The following PTPRO variants were observed in gnomAD, a reference collection of about 807,000 sequenced individuals.
PTPRO encodes receptor-type tyrosine-protein phosphatase O.
A neutral mutation model predicts 145.2 loss-of-function variants in PTPRO; 62 were observed. That is an observed-to-expected ratio of 0.43 (90% confidence interval 0.35 to 0.53). PTPRO has a LOEUF of 0.53. PTPRO is among the 20% of genes least tolerant of loss of function. The probability of loss-of-function intolerance (pLI) is 0.01; values close to 1 mark genes in which losing one functional copy is unlikely to be tolerated. For missense variants in PTPRO, 1,345 were observed against 1,482.7 expected (o/e 0.91, Z 1.53); for synonymous variants, 565 against 514.7 (o/e 1.10, Z -1.32).
intron 23 of PTPRO, among the ~76,000 whole-genome samples, 161 bp downstream of exon 23, chr12:15,581,962 A>T (rs1446555430): frequency 6.6e-6 from 1 of 152,178 alleles, no homozygotes; most frequent in Non-Finnish European, 1.5e-5. Flanking sequence ...CAGCTTTAAG[A>T]GCTGAGAGCC....
chr12:15,524,785 C>A, intron 10 of PTPRO, 29 bp from the exon 11 acceptor site: 2 of 1,597,138 alleles, frequency 1.3e-6, no homozygotes, highest in African/African-American at 1.3e-5. Flanking sequence ...ATCTATTATA[C>A]TAAATTGTGC....
At chr12:15,572,939 C>T (rs1304369358) in intron 19 of PTPRO, among the ~76,000 whole-genome samples, 1 of 152,166 alleles carries the variant, frequency 6.6e-6, no homozygotes, top group Non-Finnish European at 1.5e-5. Flanking sequence ...ATGAGTGGGA[C>T]ATTCCCGCAC....
Position 15,325,144 on chromosome 12 carries a change from C to T in PTPRO, c.75+2343C>T, listed in dbSNP as rs368840900. 1.3e-4 allele frequency among the ~76,000 whole-genome samples: 20 copies of T among 152,314 alleles called. No individual in the cohort carries two copies. In the South Asian group the frequency reaches 3.7e-3, roughly 28 times the overall value. The stretch of plus-strand genomic sequence containing the variant: ...TCCATAGTTTTCACTATAGTTAATA[C>T]ATTTTTCACTACTCCATATGTGTAT... On this transcript the variant is annotated intron_variant, in intron 1 of 26. Coordinates refer to ENST00000281171, the MANE Select transcript of PTPRO (RefSeq NM_030667.3).
intron 12 of PTPRO, among the ~76,000 whole-genome samples, chr12:15,533,808 A>G (rs539452684): frequency 2.0e-5 from 3 of 152,316 alleles, no homozygotes; most frequent in Admixed American, 1.3e-4. Context: ...TCAGAATGCC[A>G]TTGTTAAAGC....
chr12:15,494,710 CT>C (rs1308437823), intron 2 of PTPRO, among the ~76,000 whole-genome samples: 2 of 152,178 alleles, frequency 1.3e-5, no homozygotes, highest in East Asian at 3.9e-4. Flanking sequence ...AATAAAATAT[CT>C]GTTCTCTAAT....
chr12:15,443,624 C>G (rs1940828089), intron 1 of PTPRO, among the ~76,000 whole-genome samples: 1 of 151,970 alleles, frequency 6.6e-6, no homozygotes. Context: ...ATCTAGAATT[C>G]ACATGAAACT....
intron 1 of PTPRO, among the ~76,000 whole-genome samples, chr12:15,416,412 T>C (rs1255720358): frequency 6.6e-6 from 1 of 150,962 alleles, no homozygotes; most frequent in East Asian, 1.9e-4. Context: ...GTCTGACTCC[T>C]GGGTTCACAC....
intron 1 of PTPRO, among the ~76,000 whole-genome samples, chr12:15,407,126 T>G (rs1234614286): frequency 6.6e-6 from 1 of 152,196 alleles, no homozygotes; most frequent in African/African-American, 2.4e-5. Context: ...GTTCCTCCAC[T>G]GCAGGGCTCT....
In PTPRO at chr12:15,581,953, A is replaced by T. The variant is rs1944329842; in HGVS notation, c.3255+152A>T. On this transcript the variant is annotated intron_variant, in intron 23 of 26. Transcript: ENST00000281171. ...TGGAGTGGGAAATCAGGGGTCTCAC[A>T]GCTTTAAGAGCTGAGAGCCTCGAAC... The T allele has an allele frequency of 7.0e-6, 7 of 993,284 alleles. No homozygotes were observed. The Admixed American group carries it at 1.2e-4, about 17-fold the overall frequency. 61.5% of individuals were successfully genotyped at this position (993,284 alleles called of 1,614,324 possible). A position where few individuals can be genotyped will look rare whatever the true frequency, so the allele number is the denominator to read the frequency against.
At chr12:15,453,972 C>T (rs1435674064) in intron 1 of PTPRO, among the ~76,000 whole-genome samples, 1 of 152,182 alleles carries the variant, frequency 6.6e-6, no homozygotes, top group Non-Finnish European at 1.5e-5. Flanking sequence ...TTCATTTATT[C>T]ATCCATCAGT....
Position 15,557,467 on chromosome 12 carries a change from T to G in PTPRO, c.2571T>G (p.Ala857=), listed in dbSNP as rs1465889363. 1 of 1,613,944 alleles carries G rather than the reference T, an allele frequency of 6.2e-7. No individual in the cohort carries two copies. Among genetic ancestry groups the G allele is most frequent in the Non-Finnish European group, 8.5e-7 (1 of 1,179,830 alleles). The change falls in exon 16 of 27, where the codon GCT becomes GCG. Residue 857 remains alanine, a synonymous_variant. Coordinates refer to ENST00000281171, the MANE Select transcript of PTPRO (RefSeq NM_030667.3). Reference sequence around the variant, plus strand: ...TCCTTTAAAACAGGGAGTGTGGAGCTGGTACATTTGTCAATTTTGCATCCT... The same window carrying G: ...TCCTTTAAAACAGGGAGTGTGGAGCGGGTACATTTGTCAATTTTGCATCCT... ...KHLQMARECG[A]GTFVNFASLE...
chr12:15,371,007 C>CA lies in PTPRO; in HGVS notation c.75+48214dup, dbSNP rs1273313481. ...ATAATGTACATAATGTATTGCTAAA[C>CA]AAAAAAAATGGATTATGTAATACTA... On this transcript the variant is annotated intron_variant, in intron 1 of 26. Transcript: ENST00000281171. Among the ~76,000 whole-genome samples the CA allele has an allele frequency of 3.3e-5, 5 of 151,686 alleles. 1 individual carries two copies. The South Asian group carries it at 6.3e-4, about 19-fold the overall frequency.
intron 1 of PTPRO, among the ~76,000 whole-genome samples, chr12:15,408,568 C>T (rs557413889): frequency 3.3e-5 from 5 of 152,138 alleles, no homozygotes; most frequent in Non-Finnish European, 7.4e-5. Flanking sequence ...GCTGGGACTA[C>T]AGGCGCCCAC....
chr12:15,405,613 T>C (rs1939626233), intron 1 of PTPRO, among the ~76,000 whole-genome samples: 1 of 152,170 alleles, frequency 6.6e-6, no homozygotes, highest in Non-Finnish European at 1.5e-5. Flanking sequence ...GATAACAATA[T>C]TACTCTTTGC....
chr12:15,466,166 T>C (rs1390197775), intron 1 of PTPRO, among the ~76,000 whole-genome samples: 1 of 152,216 alleles, frequency 6.6e-6, no homozygotes, highest in Admixed American at 6.5e-5. Context: ...TTACTCTACA[T>C]AATCCTGTTG....
Position 15,448,528 on chromosome 12 carries a change from G to A in PTPRO, c.76-35446G>A, listed in dbSNP as rs771586808. Among the ~76,000 whole-genome samples, 69 of 151,990 alleles carry A rather than the reference G, an allele frequency of 4.5e-4. 1 individual carries two copies. Among genetic ancestry groups the A allele is most frequent in the Non-Finnish European group, 1.5e-4 (10 of 67,996 alleles). ...TTATCAAAATGTCAAGAGAAAACAAGTGTGCACAAGGTTGTGGAGAAAAGA... is the reference window on the plus strand; with the variant it reads ...TTATCAAAATGTCAAGAGAAAACAAATGTGCACAAGGTTGTGGAGAAAAGA... On this transcript the variant is annotated intron_variant, in intron 1 of 26. Transcript: ENST00000281171.
At chr12:15,444,122 G>A (rs781711935) in intron 1 of PTPRO, among the ~76,000 whole-genome samples, 3 of 152,006 alleles carry the variant, frequency 2.0e-5, no homozygotes, top group Admixed American at 6.6e-5. Flanking sequence ...AGAAAATATG[G>A]CACATATAGA....
chr12:15,565,465 A>G, intron 17 of PTPRO, 128 bp from the exon 18 acceptor site: 1 of 636,190 alleles, frequency 1.6e-6, no homozygotes, highest in East Asian at 2.7e-5. Context: ...CAAACCTGAT[A>G]TGTGTTTAAT....
chr12:15,448,624 C>A (rs891624189), intron 1 of PTPRO, among the ~76,000 whole-genome samples: 1 of 151,688 alleles, frequency 6.6e-6, no homozygotes. Flanking sequence ...GGAGGCCTCT[C>A]AAAAAATTAA....
Sources: allele counts gnomAD v4.1 joint callset (sites outside exome capture counted in the v4.1 genomes callset), GRCh38; gene constraint gnomAD v4.1.1; transcripts MANE v1.5; gene names NCBI Gene and HGNC (gene_info 2026-07-23, HGNC 2026-07-21).